OSGIN2: variants seen among roughly 807,000 people sequenced by gnomAD.
The protein encoded by OSGIN2 is oxidative stress-induced growth inhibitor 2.
OSGIN2 carries 19 observed loss-of-function variants against 53.8 expected under a neutral mutation model. That is an observed-to-expected ratio of 0.35 (90% CI 0.25 to 0.52). The LOEUF is 0.52. OSGIN2 is among the 20% of genes least tolerant of loss of function. The pLI is 0.95. For synonymous variants in OSGIN2, 236 were observed against 236.0 expected (o/e 1.00, Z 0.00); for missense variants, 520 against 662.7 (o/e 0.78, Z 2.36).
At chr8:89,913,689 T>C (rs563472277) in intron 2 of OSGIN2, among the ~76,000 whole-genome samples, 7 of 152,120 alleles carry the variant, frequency 4.6e-5, no homozygotes, top group Non-Finnish European at 8.8e-5. Context: ...TGAGATAGGA[T>C]AGGGTTTGAA....
chr8:89,922,057 A>C (rs1809217187), intron 5 of OSGIN2, among the ~76,000 whole-genome samples: 1 of 152,214 alleles, frequency 6.6e-6, no homozygotes, highest in African/African-American at 2.4e-5. Context: ...CAAAATTTAA[A>C]AAGAGAAATA....
chr8:89,904,404 CAA>C (rs772789487), intron 1 of OSGIN2, among the ~76,000 whole-genome samples: 40 of 152,038 alleles, frequency 2.6e-4, no homozygotes, highest in Non-Finnish European at 4.3e-4. Flanking sequence ...GGAGTGAAAA[CAA>C]AGTATTTGCT....
chr8:89,916,172 A>G (rs954207738), intron 4 of OSGIN2, among the ~76,000 whole-genome samples: 15 of 152,288 alleles, frequency 9.8e-5, no homozygotes, highest in African/African-American at 3.6e-4. Flanking sequence ...TGAATTCCTG[A>G]GGTTTTATTT....
At chr8:89,909,037 A>AAAAAAAAAAAAAATATATAT (rs1554550040) in intron 1 of OSGIN2, among the ~76,000 whole-genome samples, 1 of 84,902 alleles carries the variant, frequency 1.2e-5, no homozygotes, top group African/African-American at 7.2e-5. Flanking sequence ...AAAAAAAAAA[A>AAAAAAAAAAAAAATATATAT]ATATATATAT....
intron 1 of OSGIN2, among the ~76,000 whole-genome samples, chr8:89,908,298 C>A (rs902261742): frequency 9.9e-5 from 15 of 152,210 alleles, no homozygotes; most frequent in African/African-American, 3.4e-4. Context: ...CTGTTTTGGT[C>A]AAAAGAGGCT....
At position 89,925,011 on chromosome 8, in the gene OSGIN2, A is replaced by C. The variant is rs1489017383; in HGVS notation, c.1129A>C (p.Arg377=). ...TATCCCTGTGATTCATGTGTTTCGC[A>C]GACGAGTAACTGATCCAAGCTTAAT... is the stretch of plus-strand genomic sequence containing the variant. The part of the protein sequence containing the change: ...SNIPVIHVFR[R]RVTDPSLIFK... Residue 377 remains arginine (R), a synonymous_variant, in exon 6 of 6, where the codon AGA becomes CGA. Coordinates refer to ENST00000451899, the MANE Select transcript of OSGIN2 (RefSeq NM_001126111.3). The C allele has an allele frequency of 6.2e-7, 1 of 1,613,948 alleles. No homozygotes were observed. The highest frequency in any genetic ancestry group is 8.5e-7 in the Non-Finnish European group (1 of 1,179,910).
At position 89,902,772 on chromosome 8, in the gene OSGIN2, G is replaced by GGCGCCCCTCGC. The variant is rs1354953865; in HGVS notation, c.-19_-9dup. ...GAGGCGGCCACGGCGGCCGCGCTCG[G>GGCGCCCCTCGC]GCGCCCCTCGCGCAGCGCTCCATGC... is the stretch of plus-strand genomic sequence containing the variant. On this transcript the variant is annotated 5_prime_UTR_variant, in exon 1 of 6. Transcript: ENST00000451899. 2.4e-6 allele frequency: 3 copies of GGCGCCCCTCGC among 1,236,184 alleles called. No individual in the cohort carries two copies. In the East Asian group the frequency reaches 9.7e-5, roughly 40 times the overall value. 76.6% of individuals were successfully genotyped at this position (1,236,184 alleles called of 1,614,324 possible). A position where few individuals can be genotyped will look rare whatever the true frequency, so the allele number is the denominator to read the frequency against.
At chr8:89,923,837 G>A (rs181918229) in intron 5 of OSGIN2, among the ~76,000 whole-genome samples, 2 of 152,292 alleles carry the variant, frequency 1.3e-5, no homozygotes, top group African/African-American at 2.4e-5. Flanking sequence ...TGGGGCAGGG[G>A]ATTTTGCTTG....
At chr8:89,907,927 G>A (rs778193767) in intron 1 of OSGIN2, among the ~76,000 whole-genome samples, 32 of 152,090 alleles carry the variant, frequency 2.1e-4, no homozygotes, top group African/African-American at 3.1e-4. Context: ...TCCCATTCCC[G>A]TCGCCTCTGA....
At chr8:89,916,163 G>T (rs997853244) in intron 4 of OSGIN2, among the ~76,000 whole-genome samples, 1 of 152,124 alleles carries the variant, frequency 6.6e-6, no homozygotes, top group East Asian at 1.9e-4. Context: ...TGCCTTCTCT[G>T]AATTCCTGAG....
At chr8:89,903,555 A>G (rs1037887836) in intron 1 of OSGIN2, among the ~76,000 whole-genome samples, 5 of 152,224 alleles carry the variant, frequency 3.3e-5, no homozygotes, top group Non-Finnish European at 5.9e-5. Context: ...ATGTTCCAGA[A>G]TAATTCTATG....
chr8:89,914,545 G>T lies in OSGIN2; in HGVS notation c.337-10G>T. 1.2e-6 allele frequency: 2 copies of T among 1,607,778 alleles called. No homozygotes were observed. Among genetic ancestry groups the T allele is most frequent in the Non-Finnish European group, 1.7e-6 (2 of 1,175,596 alleles). ...TTTTTTCAAACTCTGTCTCCCTTTT[G>T]TTCATTCAGGACTTAGAATACTTGT... On this transcript the variant is annotated splice_polypyrimidine_tract_variant and intron_variant, in intron 3 of 5. Transcript: ENST00000451899.
chr8:89,904,786 C>G (rs1342964165), intron 1 of OSGIN2, among the ~76,000 whole-genome samples: 1 of 152,102 alleles, frequency 6.6e-6, no homozygotes, highest in African/African-American at 2.4e-5. Flanking sequence ...TGCATTCCAG[C>G]TGGGCGACAG....
Position 89,914,523 on chromosome 8 carries a change from T to C in OSGIN2, c.337-32T>C, listed in dbSNP as rs767993034. The stretch of plus-strand genomic sequence containing the variant: ...ATACTATCTGGGAAATGCTGGCTTT[T>C]TTCAAACTCTGTCTCCCTTTTGTTC... On this transcript the variant is annotated intron_variant, in intron 3 of 5. Coordinates refer to ENST00000451899, the MANE Select transcript of OSGIN2 (RefSeq NM_001126111.3). 13 of 1,573,244 alleles carry C rather than the reference T, an allele frequency of 8.3e-6. No homozygotes were observed. The South Asian group carries it at 1.3e-4, about 16-fold the overall frequency.
chr8:89,913,189 C>T (rs559123168), intron 2 of OSGIN2, among the ~76,000 whole-genome samples: 5 of 152,248 alleles, frequency 3.3e-5, no homozygotes, highest in African/African-American at 9.6e-5. Flanking sequence ...TCTCATAATC[C>T]GAACCTTGTG....
chr8:89,916,639 T>C (rs760389402), intron 4 of OSGIN2, among the ~76,000 whole-genome samples: 4 of 152,346 alleles, frequency 2.6e-5, no homozygotes, highest in Non-Finnish European at 5.9e-5. Context: ...TAGCTTCATA[T>C]AGTTCTCTGT....
At chr8:89,904,774 A>G (rs1310583555) in intron 1 of OSGIN2, among the ~76,000 whole-genome samples, 1 of 152,174 alleles carries the variant, frequency 6.6e-6, no homozygotes, top group Non-Finnish European at 1.5e-5. Context: ...AGATCGCACC[A>G]CTGCATTCCA....
intron 5 of OSGIN2, 127 bp downstream of exon 5, chr8:89,921,298 G>A (rs1024174640): frequency 1.7e-6 from 1 of 597,570 alleles, no homozygotes; most frequent in Non-Finnish European, 3.0e-6. Context: ...ATAAAAATGT[G>A]TCCTTGAAGC....
At chr8:89,907,950 G>A (rs1028341352) in intron 1 of OSGIN2, among the ~76,000 whole-genome samples, 1 of 152,132 alleles carries the variant, frequency 6.6e-6, no homozygotes, top group East Asian at 1.9e-4. Flanking sequence ...TCATTGAGCA[G>A]TGGTTTGTGT....
Sources: gnomAD v4.1 joint callset for allele counts (sites outside exome capture counted in the v4.1 genomes callset) on GRCh38, gnomAD v4.1.1 for gene constraint, MANE v1.5 for transcripts, NCBI Gene and HGNC (gene_info 2026-07-23, HGNC 2026-07-21) for gene names.